The following OSBPL6 variants were observed in gnomAD, a reference collection of about 807,000 sequenced individuals.
OSBPL6 encodes oxysterol binding protein like 6, also known as oxysterol-binding protein-related protein 6.
Under a neutral mutation model 125.8 loss-of-function variants are expected in OSBPL6, and 49 were observed. The ratio of observed to expected loss-of-function variants is 0.39; its 90% CI spans 0.31 to 0.49. The LOEUF (loss-of-function observed/expected upper bound fraction) is 0.49, where lower values mean the gene tolerates loss of function less well. OSBPL6 is among the 20% of genes least tolerant of loss of function. OSBPL6 has a pLI of 0.88. For missense variants in OSBPL6, 986 were observed against 1,135.4 expected (o/e 0.87, Z 1.89); for synonymous variants, 394 against 391.8 (o/e 1.01, Z -0.07).
intron 13 of OSBPL6, among the ~76,000 whole-genome samples, chr2:178,365,844 C>T (rs1692775260): frequency 6.6e-6 from 1 of 152,080 alleles, no homozygotes; most frequent in Admixed American, 6.6e-5. Context: ...GCATCTATCC[C>T]TTATAAATGA....
intron 2 of OSBPL6, among the ~76,000 whole-genome samples, chr2:178,298,733 CCACA>C: frequency 6.9e-6 from 1 of 144,740 alleles, no homozygotes; most frequent in Non-Finnish European, 1.5e-5. Flanking sequence ...GTACTGTTCT[CCACA>C]GGACCTACAT....
chr2:178,260,103 G>T (rs2154013921), intron 1 of OSBPL6, among the ~76,000 whole-genome samples: 1 of 152,232 alleles, frequency 6.6e-6, no homozygotes, highest in Admixed American at 6.5e-5. Context: ...TAAGGCCTCA[G>T]CTACCTGCTG....
chr2:178,251,665 T>C (rs2091699609), intron 1 of OSBPL6, among the ~76,000 whole-genome samples: 1 of 152,214 alleles, frequency 6.6e-6, no homozygotes, highest in Non-Finnish European at 1.5e-5. Flanking sequence ...TTGTTCTTTC[T>C]GATCACGCAC....
chr2:178,335,961 T>C (rs1689645286), intron 8 of OSBPL6, among the ~76,000 whole-genome samples: 1 of 152,220 alleles, frequency 6.6e-6, no homozygotes, highest in South Asian at 2.1e-4. Flanking sequence ...CCTTAAATCA[T>C]GAGTTAAGAG....
At chr2:178,378,913 C>A (rs1052860146) in intron 15 of OSBPL6, among the ~76,000 whole-genome samples, 7 of 152,140 alleles carry the variant, frequency 4.6e-5, no homozygotes, top group Non-Finnish European at 1.0e-4. Flanking sequence ...TGCCTGTAAT[C>A]CCAACACTTT....
At chr2:178,326,699 G>A (rs1027240476) in intron 4 of OSBPL6, among the ~76,000 whole-genome samples, 1 of 152,104 alleles carries the variant, frequency 6.6e-6, no homozygotes, top group Non-Finnish European at 1.5e-5. Flanking sequence ...TGAAACGGGG[G>A]AACATTGTCT....
rs189272791 is a variant in OSBPL6, at chr2:178,382,695, G to T, written c.1621+188G>T. 65 of 1,459,244 alleles carry T rather than the reference G, an allele frequency of 4.5e-5. No homozygotes were observed. In the Admixed American group the frequency reaches 1.7e-3, roughly 38 times the overall value. 90.4% of individuals were successfully genotyped at this position (1,459,244 alleles called of 1,614,324 possible). On this transcript the variant is annotated intron_variant, in intron 16 of 24. Coordinates refer to ENST00000190611, the MANE Select transcript of OSBPL6 (RefSeq NM_032523.4). ...GTAAATGGTTGAAAAAATCTGTTAG[G>T]TAAATAGTTAAGAGAAAACGTTTTT...
At position 178,255,349 on chromosome 2, in the gene OSBPL6, G is replaced by A. The variant is rs145730988; in HGVS notation, c.-350-29578G>A. On this transcript the variant is annotated intron_variant, in intron 1 of 24. Transcript: ENST00000190611. ...AAACAAACAAAAACAAAAACAGAGCGTGTGCAGGGGAACTGCCCTTTTATA... is the reference window on the plus strand; with the variant it reads ...AAACAAACAAAAACAAAAACAGAGCATGTGCAGGGGAACTGCCCTTTTATA... 2.7e-3 allele frequency among the ~76,000 whole-genome samples: 411 copies of A among 152,276 alleles called. 3 individuals are homozygous for A. Among genetic ancestry groups the A allele is most frequent in the African/African-American group, 9.0e-3 (373 of 41,572 alleles).
At chr2:178,203,218 C>T (rs1276802377) in intron 1 of OSBPL6, among the ~76,000 whole-genome samples, 5 of 152,162 alleles carry the variant, frequency 3.3e-5, no homozygotes, top group African/African-American at 9.7e-5. Flanking sequence ...GAGGTAGAGT[C>T]TCACCTCAGT....
At chr2:178,349,121 A>C in intron 11 of OSBPL6, 103 bp from the exon 12 acceptor site, 1 of 1,217,870 alleles carries the variant, frequency 8.2e-7, no homozygotes, top group South Asian at 1.2e-5. Flanking sequence ...GTGTTATCAG[A>C]GAGGAATCTA....
At chr2:178,236,897 C>G (rs2091076140) in intron 1 of OSBPL6, among the ~76,000 whole-genome samples, 1 of 152,142 alleles carries the variant, frequency 6.6e-6, no homozygotes, top group Admixed American at 6.5e-5. Context: ...ACTTCAGCCC[C>G]CAGCCTCCTT....
chr2:178,343,797 C>T (rs4894013), intron 11 of OSBPL6, among the ~76,000 whole-genome samples: 27,843 of 151,970 alleles, frequency 0.18, 2,734 homozygotes, highest in African/African-American at 0.24. Flanking sequence ...CCTTCCCTTA[C>T]TTTTTTTCTT....
chr2:178,391,480 A>G (rs1219760718), intron 22 of OSBPL6, among the ~76,000 whole-genome samples: 3 of 152,218 alleles, frequency 2.0e-5, no homozygotes, highest in African/African-American at 4.8e-5. Flanking sequence ...AAAATTGCTC[A>G]AAGTGTAATG....
chr2:178,222,868 G>A (rs1401610559), intron 1 of OSBPL6, among the ~76,000 whole-genome samples: 3 of 152,038 alleles, frequency 2.0e-5, no homozygotes, highest in Non-Finnish European at 4.4e-5. Flanking sequence ...TTCTTCTCTA[G>A]TATTTATATT....
At chr2:178,241,223 C>T (rs1352369129) in intron 1 of OSBPL6, among the ~76,000 whole-genome samples, 2 of 151,508 alleles carry the variant, frequency 1.3e-5, no homozygotes, top group African/African-American at 2.4e-5. Flanking sequence ...AAGCAATTCT[C>T]GTGCCCCAGC....
chr2:178,360,989 T>G (rs940882504), intron 12 of OSBPL6, among the ~76,000 whole-genome samples: 1 of 152,256 alleles, frequency 6.6e-6, no homozygotes, highest in Non-Finnish European at 1.5e-5. Context: ...TCACCCTTTC[T>G]GTAGTTCACG....
chr2:178,341,417 C>G (rs1690187298), intron 11 of OSBPL6, among the ~76,000 whole-genome samples: 1 of 148,284 alleles, frequency 6.7e-6, no homozygotes, highest in South Asian at 2.1e-4. Context: ...TTTACATAGA[C>G]AGAAAAGTTA....
chr2:178,353,473 G>C (rs1339063252), intron 12 of OSBPL6, among the ~76,000 whole-genome samples: 1 of 152,108 alleles, frequency 6.6e-6, no homozygotes, highest in Non-Finnish European at 1.5e-5. Flanking sequence ...TAGCTGATTC[G>C]ATCAAGTGGA....
At chr2:178,382,594 C>A (rs773842281) in intron 16 of OSBPL6, 87 bp downstream of exon 16, 1 of 1,572,256 alleles carries the variant, frequency 6.4e-7, no homozygotes, top group African/African-American at 1.4e-5. Context: ...CCCCCTCCCA[C>A]GCCACCCCCA....
Sources: allele counts gnomAD v4.1 joint callset (sites outside exome capture counted in the v4.1 genomes callset), GRCh38; gene constraint gnomAD v4.1.1; transcripts MANE v1.5; gene names NCBI Gene and HGNC (gene_info 2026-07-23, HGNC 2026-07-21).